The following RGL3 variants were observed in gnomAD, a reference collection of about 807,000 sequenced individuals.
RGL3 encodes the protein ral guanine nucleotide dissociation stimulator-like 3.
RGL3 carries 85 observed loss-of-function variants against 90.6 expected under a neutral mutation model. That is an observed-to-expected ratio of 0.94 (90% CI 0.79 to 1.12). RGL3 has a LOEUF of 1.12. Ranked by LOEUF, RGL3 falls within the 50% of genes most tolerant of loss-of-function variation. The pLI is 0.00. For missense variants in RGL3, 1,034 were observed against 939.2 expected, an observed-to-expected ratio of 1.10 and a Z score of -1.32; for synonymous variants, 408 against 385.5, an observed-to-expected ratio of 1.06 and a Z score of -0.68.
chr19:11,406,964 A>G (rs1968795393), intron 5 of RGL3, 100 bp from the exon 6 acceptor site: 1 of 1,232,414 alleles, frequency 8.1e-7, no homozygotes, highest in Non-Finnish European at 1.1e-6. Flanking sequence ...CACTTTCCTC[A>G]TTTGTAAAAC....
intron 5 of RGL3, among the ~76,000 whole-genome samples, chr19:11,414,482 T>TATAC (rs1332584540): frequency 1.1e-5 from 1 of 87,360 alleles, no homozygotes. Context: ...TATATATATA[T>TATAC]ACACCTTCAT....
At chr19:11,402,811 CAA>C (rs1265510849) in intron 9 of RGL3, 105 bp from the exon 10 acceptor site, 4 of 1,029,936 alleles carry the variant, frequency 3.9e-6, no homozygotes, top group Non-Finnish European at 5.8e-6. Context: ...TTTGAGTAAT[CAA>C]AAGTCAGTGG....
chr19:11,394,516 G>A lies in RGL3; in HGVS notation c.2019C>T (p.Leu673=), dbSNP rs749110234. 23 of 1,612,302 alleles carry A rather than the reference G, an allele frequency of 1.4e-5. No individual in the cohort carries two copies. Among genetic ancestry groups the A allele is most frequent in the Non-Finnish European group, 2.0e-5 (23 of 1,178,638 alleles). ...LFQVLPGDRV[L]LIPDNANVFY... ...AGACGTTGGCATTGTCAGGAATCAG[G>A]AGCACTGGTCAGGAGTGGAGATGGT... The change falls in exon 19 of 19, where the codon CTC becomes CTT. Residue 673 remains leucine, a synonymous_variant. Coordinates refer to ENST00000380456, the MANE Select transcript of RGL3 (RefSeq NM_001035223.4).
chr19:11,416,138 A>G lies in RGL3; in HGVS notation c.436T>C (p.Ser146Pro). Residue 146 changes from serine to proline, a missense_variant, in exon 5 of 19, where the codon TCA becomes CCA. Physicochemically the swap from Ser to Pro is moderately conservative, Grantham distance 74 (BLOSUM62 -1). Transcript: ENST00000380456. ...TCCTGCAGCCAGGAGCCCAGCACTG[A>G]CACCACAGCCCTGGCCAGAGAGGCA... ...SFNKNLRAVVSVLGSWLQDHP... is the reference protein window; with the variant it reads ...SFNKNLRAVVPVLGSWLQDHP... 6.4e-7 allele frequency: 1 copy of G among 1,571,844 alleles called. No individual in the cohort carries two copies. Among genetic ancestry groups the G allele is most frequent in the East Asian group, 2.3e-5 (1 of 44,138 alleles).
At position 11,418,778 on chromosome 19, in the gene RGL3, G is replaced by T. The variant is rs866919901; in HGVS notation, c.40C>A (p.Leu14Met). 1 of 1,547,684 alleles carries T rather than the reference G, an allele frequency of 6.5e-7. No individual in the cohort carries two copies. The highest frequency in any genetic ancestry group is 8.7e-7 in the Non-Finnish European group (1 of 1,149,846). Residue 14 changes from leucine (L) to methionine (M), a missense_variant, in exon 2 of 19, where the codon CTG (leucine) becomes ATG (methionine). Physicochemically the swap from Leu to Met is conservative, Grantham distance 15 (BLOSUM62 2). Coordinates refer to ENST00000380456, the MANE Select transcript of RGL3 (RefSeq NM_001035223.4). ...TCGGTCTCTTCACCCCAGTCCTGCA[G>T]CGGTGCCTGGACGCACAGGCGGACT... ...TAGKELALAP[L>M]QDWGEETEDG...
chr19:11,395,897 G>C (rs1238375680), intron 18 of RGL3, among the ~76,000 whole-genome samples: 2 of 149,528 alleles, frequency 1.3e-5, no homozygotes, highest in African/African-American at 4.9e-5. Context: ...AAAGTGCTGG[G>C]ATTACAGGCG....
chr19:11,400,318 T>G, intron 13 of RGL3, 21 bp from the exon 14 acceptor site: 1 of 1,545,808 alleles, frequency 6.5e-7, no homozygotes, highest in East Asian at 2.3e-5. Context: ...AATATGTGGA[T>G]GAGGTGGTGG....
chr19:11,419,201 C>T (rs1181119276), intron 1 of RGL3, 45 bp downstream of exon 1: 3 of 1,577,510 alleles, frequency 1.9e-6, no homozygotes, highest in South Asian at 2.3e-5. Flanking sequence ...TCTGGACCTG[C>T]GGGTCACCAG....
chr19:11,416,526 T>A, intron 4 of RGL3, 88 bp downstream of exon 4: 1 of 1,305,598 alleles, frequency 7.7e-7, no homozygotes, highest in Non-Finnish European at 1.1e-6. Flanking sequence ...TTACCCAACC[T>A]GCAATTTTCA....
chr19:11,418,985 G>A (rs1352645772), intron 1 of RGL3: 6 of 616,178 alleles, frequency 9.7e-6, no homozygotes, highest in Non-Finnish European at 1.7e-5. Context: ...TGAGGACATG[G>A]GGTGGCATTT....
intron 9 of RGL3, among the ~76,000 whole-genome samples, chr19:11,404,146 G>A (rs1968728427): frequency 6.6e-6 from 1 of 152,024 alleles, no homozygotes; most frequent in African/African-American, 2.4e-5. Flanking sequence ...GCCTCCCAAA[G>A]TGTTGGGATT....
chr19:11,402,623 T>A, intron 10 of RGL3, 27 bp downstream of exon 10: 2 of 1,613,568 alleles, frequency 1.2e-6, no homozygotes, highest in South Asian at 2.2e-5. Context: ...GTCCCACTTG[T>A]CCCCATCCCA....
At position 11,406,696 on chromosome 19, in the gene RGL3, A is replaced by G. The variant is rs1968788308; in HGVS notation, c.780+26T>C. 3 of 1,612,356 alleles carry G rather than the reference A, an allele frequency of 1.9e-6. No individual in the cohort carries two copies. The South Asian group carries it at 3.3e-5, about 18-fold the overall frequency. The stretch of plus-strand genomic sequence containing the variant: ...AGAACCTGTCCCCTCACTGTGGCTC[A>G]TCCCGACCCTGTCCGGGATCCTCAC... On this transcript the variant is annotated intron_variant, in intron 6 of 18. Coordinates refer to ENST00000380456, the MANE Select transcript of RGL3 (RefSeq NM_001035223.4).
chr19:11,406,507 C>A lies in RGL3; in HGVS notation c.908G>T (p.Gly303Val). ...TCCGAGCACGGAACCCAGCACACAG[C>A]CGGTCACGGTGTTGAACTGGGCCAC... ...ATVAQFNTVT[G>V]CVLGSVLGAP... The change falls in exon 7 of 19, where the codon GGC becomes GTC. Residue 303 changes from glycine to valine, a missense_variant. By Grantham distance (109) the Gly-to-Val change is moderately radical. Coordinates refer to ENST00000380456, the MANE Select transcript of RGL3 (RefSeq NM_001035223.4). 1 of 1,554,442 alleles carries A rather than the reference C, an allele frequency of 6.4e-7. No individual in the cohort carries two copies. The highest frequency in any genetic ancestry group is 8.7e-7 in the Non-Finnish European group (1 of 1,151,380).
intron 5 of RGL3, 58 bp downstream of exon 5, chr19:11,415,879 G>A (rs1294557981): frequency 1.4e-6 from 2 of 1,440,920 alleles, no homozygotes; most frequent in Admixed American, 2.1e-5. Flanking sequence ...AGCCTGTGTG[G>A]GAAGAAGCAG....
rs145287726 is a variant in RGL3, at chr19:11,411,678, G to T, written c.637+4259C>A. Among the ~76,000 whole-genome samples the T allele has an allele frequency of 3.5e-3, 530 of 152,314 alleles. 1 individual carries two copies. The highest frequency in any genetic ancestry group is 6.8e-3 in the Middle Eastern group (2 of 294). ...GCTCTGTCACCTAGGCTGGAGTACA[G>T]TGGCATAATCACGGCTCACTGCAGC... On this transcript the variant is annotated intron_variant, in intron 5 of 18. Transcript: ENST00000380456.
In RGL3 at chr19:11,405,494, C is replaced by CTTTTTTTTTTTTTTTT. The variant is rs771398199; in HGVS notation, c.997-84_997-69dup. Reference sequence around the variant, plus strand: ...ACCTTTCATCCTGAAACTTCTTCATCTTTTTTTTTTTTTTTTTTTTTTTTT... The same window carrying CTTTTTTTTTTTTTTTT: ...ACCTTTCATCCTGAAACTTCTTCATCTTTTTTTTTTTTTTTTTTTTTTTTTTTTTTTTTTTTTTTTT... On this transcript the variant is annotated intron_variant, in intron 7 of 18. Transcript: ENST00000380456. 10 of 164,048 alleles carry CTTTTTTTTTTTTTTTT rather than the reference C, an allele frequency of 6.1e-5. 3 individuals are homozygous for CTTTTTTTTTTTTTTTT. The highest frequency in any genetic ancestry group is 8.5e-5 in the Non-Finnish European group (7 of 82,316). The allele number at this position is 164,048 out of a possible 1,614,324, so 10.2% of individuals were successfully genotyped here. A position where few individuals can be genotyped will look rare whatever the true frequency, so the allele number is the denominator to read the frequency against.
Position 11,405,141 on chromosome 19 carries a change from C to T in RGL3, c.1185+6G>A, listed in dbSNP as rs1968747974. 6.2e-7 allele frequency: 1 copy of T among 1,613,444 alleles called. No individual in the cohort carries two copies. Among genetic ancestry groups the T allele is most frequent in the African/African-American group, 1.3e-5 (1 of 74,902 alleles). ...TAAAATCCCTGGAGTCTGCATCCAT[C>T]TCTACCTGGAAAAGAATCTCTCTGC... On this transcript the variant is annotated splice_donor_region_variant and intron_variant, in intron 9 of 18. Coordinates refer to ENST00000380456, the MANE Select transcript of RGL3 (RefSeq NM_001035223.4).
Position 11,397,352 on chromosome 19 carries a change from T to G in RGL3, c.1906A>C (p.Ser636Arg), listed in dbSNP as rs765015939. ...GNLYRSILLT[S>R]QDKAPSVVRR... ...ACCACGCTGGGGGCTTTGTCCTGAC[T>G]GGTCAGCTGGAAGAGAGGGGCGGGA... Residue 636 changes from serine to arginine, a missense_variant, in exon 18 of 19, where the codon AGT (serine) becomes CGT (arginine). Ser to Arg is a moderately radical substitution (Grantham distance 110). Transcript: ENST00000380456. 1 of 1,601,316 alleles carries G rather than the reference T, an allele frequency of 6.2e-7. No homozygotes were observed. Among genetic ancestry groups the G allele is most frequent in the East Asian group, 2.2e-5 (1 of 44,792 alleles).
Sources: allele counts gnomAD v4.1 joint callset (sites outside exome capture counted in the v4.1 genomes callset), GRCh38; gene constraint gnomAD v4.1.1; transcripts MANE v1.5; gene names NCBI Gene and HGNC (gene_info 2026-07-23, HGNC 2026-07-21).